The following PARD3 variants were observed in gnomAD, a reference collection of about 807,000 sequenced individuals.
PARD3 encodes the protein par-3 family cell polarity regulator.
In PARD3, 75 loss-of-function variants were observed where a neutral mutation model predicts 155.4. The ratio of observed to expected loss-of-function variants is 0.48; its 90% CI spans 0.40 to 0.58. The LOEUF (loss-of-function observed/expected upper bound fraction) is 0.58. PARD3 is among the 20% of genes least tolerant of loss of function. The probability of loss-of-function intolerance (pLI) is 0.00; values close to 1 mark genes in which losing one functional copy is unlikely to be tolerated. For synonymous variants in PARD3, 576 were observed against 610.5 expected, an observed-to-expected ratio of 0.94 and a Z score of 0.83; for missense variants, 1,642 against 1,721.7, an observed-to-expected ratio of 0.95 and a Z score of 0.82.
intron 1 of PARD3, among the ~76,000 whole-genome samples, chr10:34,804,050 T>C (rs1036176456): frequency 4.3e-4 from 57 of 133,348 alleles, no homozygotes; most frequent in African/African-American, 1.7e-3. Context: ...TTTTTTTTTT[T>C]TGAGATGAAG....
In PARD3 at chr10:34,517,263, T is replaced by C. The variant is rs13328811; in HGVS notation, c.223-104A>G. On this transcript the variant is annotated intron_variant, in intron 2 of 24. Transcript: ENST00000374788. ...ATTCTACAGTGCAAAAATACTGATA[T>C]AAATGACCCTAGAATGGTAAGTTTT... The C allele has an allele frequency of 1.9e-3, 1,894 of 985,174 alleles. 28 individuals carry two copies. In the African/African-American group the frequency reaches 0.029, roughly 15 times the overall value. The allele number at this position is 985,174 out of a possible 1,614,324, so 61.0% of individuals were successfully genotyped here. A position where few individuals can be genotyped will look rare whatever the true frequency, so the allele number is the denominator to read the frequency against.
At chr10:34,418,752 GT>G (rs1652481022) in intron 5 of PARD3, among the ~76,000 whole-genome samples, 1 of 152,010 alleles carries the variant, frequency 6.6e-6, no homozygotes, top group Non-Finnish European at 1.5e-5. Context: ...CTCCAACCTT[GT>G]CCCCTGAGAG....
chr10:34,125,506 A>C (rs1312489260), intron 23 of PARD3, among the ~76,000 whole-genome samples: 1 of 152,240 alleles, frequency 6.6e-6, no homozygotes, highest in Non-Finnish European at 1.5e-5. Flanking sequence ...ATACTTTTTA[A>C]GTCTTAAAAA....
chr10:34,224,225 A>G (rs1423402443), intron 22 of PARD3, among the ~76,000 whole-genome samples: 1 of 152,250 alleles, frequency 6.6e-6, no homozygotes, highest in African/African-American at 2.4e-5. Flanking sequence ...AAGACGATCA[A>G]TATCTGAATA....
intron 2 of PARD3, among the ~76,000 whole-genome samples, chr10:34,552,587 G>A (rs181030344): frequency 1.8e-4 from 27 of 152,260 alleles, no homozygotes; most frequent in African/African-American, 4.8e-4. Context: ...GGCGGTGCAC[G>A]CCTGTAATCT....
At chr10:34,686,570 T>C (rs1190909494) in intron 2 of PARD3, among the ~76,000 whole-genome samples, 1 of 151,448 alleles carries the variant, frequency 6.6e-6, no homozygotes, top group Non-Finnish European at 1.5e-5. Flanking sequence ...ACCCCATCTC[T>C]ACTAAAAATA....
At chr10:34,508,563 G>A (rs2081220469) in intron 3 of PARD3, among the ~76,000 whole-genome samples, 1 of 152,096 alleles carries the variant, frequency 6.6e-6, no homozygotes, top group African/African-American at 2.4e-5. Flanking sequence ...ATCATAGAGT[G>A]AAAAAGTCAT....
chr10:34,605,506 AAT>A (rs373179223), intron 2 of PARD3, among the ~76,000 whole-genome samples: 3 of 101,852 alleles, frequency 2.9e-5, no homozygotes, highest in East Asian at 2.6e-4. Context: ...AATACTCTTA[AAT>A]ATATATATAT....
intron 1 of PARD3, among the ~76,000 whole-genome samples, chr10:34,756,462 T>G (rs1370405811): frequency 4.7e-5 from 3 of 63,218 alleles, no homozygotes; most frequent in Non-Finnish European, 1.5e-4. Flanking sequence ...CAATGCACCT[T>G]TTTTTTTTTT....
At chr10:34,802,048 T>C (rs1305955336) in intron 1 of PARD3, among the ~76,000 whole-genome samples, 5 of 152,236 alleles carry the variant, frequency 3.3e-5, no homozygotes, top group Non-Finnish European at 7.3e-5. Flanking sequence ...TGCCTTTTAA[T>C]GTACTTTAAA....
chr10:34,427,857 T>C (rs539833021), intron 5 of PARD3, among the ~76,000 whole-genome samples: 2 of 152,088 alleles, frequency 1.3e-5, no homozygotes, highest in East Asian at 3.9e-4. Context: ...TCCCCCGATA[T>C]GTGGAGGCGA....
chr10:34,130,644 G>C (rs1487460682), intron 23 of PARD3, among the ~76,000 whole-genome samples: 1 of 152,172 alleles, frequency 6.6e-6, no homozygotes, highest in Admixed American at 6.5e-5. Context: ...CACAAGATCA[G>C]AACACAGTTC....
rs866263731 is a variant in PARD3, at chr10:34,716,590, T to C, written c.121-20171A>G. 6.3e-3 allele frequency among the ~76,000 whole-genome samples: 832 copies of C among 132,178 alleles called. 8 individuals are homozygous for C. Among genetic ancestry groups the C allele is most frequent in the African/African-American group, 0.025 (777 of 31,330 alleles). The allele number at this position is 132,178 out of a possible 152,430, so 86.7% of individuals were successfully genotyped here. A position where few individuals can be genotyped will look rare whatever the true frequency, so the allele number is the denominator to read the frequency against. On this transcript the variant is annotated intron_variant, in intron 1 of 24. Coordinates refer to ENST00000374788, the MANE Select transcript of PARD3 (RefSeq NM_001184785.2). ...TGTGGCCCAGGATGGCTTTTCTTTTTTTTTTTTTTTTTTTTTTTTGAGACA... is the reference window on the plus strand; with the variant it reads ...TGTGGCCCAGGATGGCTTTTCTTTTCTTTTTTTTTTTTTTTTTTTGAGACA...
intron 3 of PARD3, among the ~76,000 whole-genome samples, chr10:34,483,096 C>T (rs1021862581): frequency 1.3e-5 from 2 of 151,988 alleles, no homozygotes; most frequent in African/African-American, 2.4e-5. Context: ...GCAGAGGTTT[C>T]GGTGAGCCAA....
intron 2 of PARD3, among the ~76,000 whole-genome samples, chr10:34,636,748 G>C (rs1361388881): frequency 6.6e-6 from 1 of 152,154 alleles, no homozygotes; most frequent in Non-Finnish European, 1.5e-5. Context: ...AGAAAAGGTG[G>C]GGCAGGGCGA....
intron 1 of PARD3, among the ~76,000 whole-genome samples, chr10:34,795,971 T>G (rs965062383): frequency 6.6e-6 from 1 of 152,152 alleles, no homozygotes; most frequent in Non-Finnish European, 1.5e-5. Context: ...GTGGGATGAA[T>G]TGACACATAG....
intron 22 of PARD3, among the ~76,000 whole-genome samples, chr10:34,190,004 G>A (rs1156284175): frequency 6.6e-6 from 1 of 152,122 alleles, no homozygotes; most frequent in African/African-American, 2.4e-5. Flanking sequence ...ATCTGTTGGA[G>A]GATTTGCATA....
chr10:34,509,906 AG>A (rs1409676482), intron 3 of PARD3, among the ~76,000 whole-genome samples: 1 of 152,254 alleles, frequency 6.6e-6, no homozygotes, highest in Admixed American at 6.5e-5. Context: ...CACAAGGCTG[AG>A]AACATAAATC....
intron 20 of PARD3, among the ~76,000 whole-genome samples, chr10:34,286,631 G>C (rs1279196310): frequency 1.3e-5 from 2 of 152,224 alleles, no homozygotes; most frequent in East Asian, 3.9e-4. Flanking sequence ...GCTAGAATGG[G>C]AGAGAAAAAG....
Sources: gnomAD v4.1 joint callset for allele counts (sites outside exome capture counted in the v4.1 genomes callset) on GRCh38, gnomAD v4.1.1 for gene constraint, MANE v1.5 for transcripts, NCBI Gene and HGNC (gene_info 2026-07-23, HGNC 2026-07-21) for gene names.